TNS3: variants seen among roughly 807,000 people sequenced by gnomAD.
The protein encoded by TNS3 is tensin 3, also known as tensin-3.
TNS3 carries 45 observed loss-of-function variants against 140.9 expected under a neutral mutation model. That is an observed-to-expected ratio of 0.32 (90% CI 0.25 to 0.41). TNS3 has a LOEUF of 0.41. TNS3 is among the 10% of genes least tolerant of loss of function. The pLI is 1.00. For synonymous variants in TNS3, 815 were observed against 788.4 expected (o/e 1.03, Z -0.56); for missense variants, 1,716 against 1,906.7 (o/e 0.90, Z 1.86).
chr7:47,283,297 CG>C (rs1246661382), intron 28 of TNS3, among the ~76,000 whole-genome samples: 2 of 152,174 alleles, frequency 1.3e-5, no homozygotes, highest in African/African-American at 4.8e-5. Context: ...CAAGGTCATA[CG>C]CTCACCTGAA....
intron 4 of TNS3, among the ~76,000 whole-genome samples, chr7:47,448,725 C>T (rs1795872505): frequency 6.6e-6 from 1 of 152,174 alleles, no homozygotes; most frequent in Non-Finnish European, 1.5e-5. Flanking sequence ...GGCAATCCAC[C>T]CACCTCGGCT....
chr7:47,439,894 G>T (rs1810136), intron 5 of TNS3, among the ~76,000 whole-genome samples: 39,984 of 152,012 alleles, frequency 0.26, 6,306 homozygotes, highest in Non-Finnish European at 0.34. Context: ...ACGGGGTACC[G>T]CAAGCTGCGG....
In TNS3 at chr7:47,576,114, C is replaced by A. The variant is rs113037632; in HGVS notation, c.-265+5937G>T. Among the ~76,000 whole-genome samples the A allele has an allele frequency of 6.3e-3, 962 of 152,176 alleles. 6 individuals are homozygous for A. Among genetic ancestry groups the A allele is most frequent in the Non-Finnish European group, 0.011 (771 of 68,026 alleles). ...TTTGGAGAAAAACTCATCTCTATCA[C>A]GCTGGCCTCCCCTGTGTCAACCACT... On this transcript the variant is annotated intron_variant, in intron 1 of 30. Coordinates refer to ENST00000311160, the MANE Select transcript of TNS3 (RefSeq NM_022748.12).
intron 16 of TNS3, among the ~76,000 whole-genome samples, chr7:47,387,554 A>C (rs578188480): frequency 2.6e-5 from 4 of 152,298 alleles, no homozygotes; most frequent in Non-Finnish European, 4.4e-5. Flanking sequence ...AGGACAAAGG[A>C]CCCAAGTCAA....
intron 1 of TNS3, chr7:47,579,026 G>A (rs2152030540): frequency 6.6e-6 from 1 of 152,536 alleles, no homozygotes; most frequent in South Asian, 2.1e-4. Context: ...TGATCCCTGT[G>A]AAGATGAAGC....
chr7:47,278,366 C>T lies in TNS3; in HGVS notation c.4194-146G>A. Reference sequence around the variant, plus strand: ...CACGTGCCCAGCACCCTGCTGGCCACCTGTTCATGCACTTTACCTCCAGCC... The same window carrying T: ...CACGTGCCCAGCACCCTGCTGGCCATCTGTTCATGCACTTTACCTCCAGCC... On this transcript the variant is annotated intron_variant, in intron 30 of 30. Coordinates refer to ENST00000311160, the MANE Select transcript of TNS3 (RefSeq NM_022748.12). 5.9e-6 allele frequency: 5 copies of T among 849,424 alleles called. No homozygotes were observed. In the South Asian group the frequency reaches 9.0e-5, roughly 15 times the overall value. The allele number at this position is 849,424 out of a possible 1,614,324, so 52.6% of individuals were successfully genotyped here.
chr7:47,571,577 C>T (rs1482642239), intron 1 of TNS3, among the ~76,000 whole-genome samples: 1 of 152,222 alleles, frequency 6.6e-6, no homozygotes, highest in African/African-American at 2.4e-5. Flanking sequence ...GAGGCAGTAC[C>T]TCCAGAGGGT....
Position 47,433,883 on chromosome 7 carries a change from ATCTCTCTCTCTC to A in TNS3, c.324+1387_324+1398del, listed in dbSNP as rs55743320. Among the ~76,000 whole-genome samples, 1,126 of 149,534 alleles carry A rather than the reference ATCTCTCTCTCTC, an allele frequency of 7.5e-3. 10 individuals carry two copies. Among genetic ancestry groups the A allele is most frequent in the African/African-American group, 0.024 (961 of 40,612 alleles). ...TATTTATTTAAAAGTCCGTCTGTCT[ATCTCTCTCTCTC>A]TCTCTCTCTCTCTCTCTCTCTCTCT... On this transcript the variant is annotated intron_variant, in intron 8 of 30. Coordinates refer to ENST00000311160, the MANE Select transcript of TNS3 (RefSeq NM_022748.12).
intron 4 of TNS3, among the ~76,000 whole-genome samples, chr7:47,457,024 T>A (rs1157716274): frequency 1.3e-5 from 2 of 150,712 alleles, no homozygotes; most frequent in African/African-American, 4.9e-5. Context: ...AAGAAAATGA[T>A]AATCTCTCTT....
chr7:47,467,678 G>A (rs895578242), intron 4 of TNS3, among the ~76,000 whole-genome samples: 3 of 152,266 alleles, frequency 2.0e-5, no homozygotes, highest in Non-Finnish European at 2.9e-5. Flanking sequence ...TGAGGAAACC[G>A]CCATGGTACC....
intron 27 of TNS3, among the ~76,000 whole-genome samples, chr7:47,290,289 G>T (rs1785626772): frequency 6.6e-6 from 1 of 152,138 alleles, no homozygotes; most frequent in South Asian, 2.1e-4. Flanking sequence ...AAATCTAGCT[G>T]GCCTTGGGTT....
At chr7:47,433,360 T>C (rs1366130784) in intron 8 of TNS3, among the ~76,000 whole-genome samples, 1 of 152,132 alleles carries the variant, frequency 6.6e-6, no homozygotes, top group Non-Finnish European at 1.5e-5. Context: ...TCAAAAATGG[T>C]TTACATGGCA....
In TNS3 at chr7:47,302,945, C is replaced by T; in HGVS notation, c.3457+5G>A. On this transcript the variant is annotated splice_donor_5th_base_variant and intron_variant, in intron 22 of 30. Transcript: ENST00000311160. ...GCCCTTCCAACCAGCTGGAAACACACCTACCTGGCAGAGGTGAGGCCGCTT... is the reference window on the plus strand; with the variant it reads ...GCCCTTCCAACCAGCTGGAAACACATCTACCTGGCAGAGGTGAGGCCGCTT... 1 of 1,592,766 alleles carries T rather than the reference C, an allele frequency of 6.3e-7. No individual in the cohort carries two copies. The highest frequency in any genetic ancestry group is 8.6e-7 in the Non-Finnish European group (1 of 1,167,294).
At chr7:47,284,700 C>T (rs572892175) in intron 27 of TNS3, among the ~76,000 whole-genome samples, 1 of 152,358 alleles carries the variant, frequency 6.6e-6, no homozygotes, top group East Asian at 1.9e-4. Flanking sequence ...GAACTGCCCT[C>T]ACTCACTTGC....
rs772275471 is a variant in TNS3 at position 47,302,267 on chromosome 7, G to T, written c.3463C>A (p.Pro1155Thr). 1.9e-6 allele frequency: 3 copies of T among 1,613,722 alleles called. No individual in the cohort carries two copies. Among genetic ancestry groups the T allele is most frequent in the African/African-American group, 1.3e-5 (1 of 74,916 alleles). The change falls in exon 23 of 31, where the codon CCA (proline) becomes ACA (threonine). Residue 1155 changes from proline to threonine, a missense_variant. This residue lies in a region of TNS3 where 1,163 missense variants were observed against 1,182.1 expected (regional missense o/e 0.98). Coordinates refer to ENST00000311160, the MANE Select transcript of TNS3 (RefSeq NM_022748.12). ...SEAASPLPDS[P>T]GDKLVIVKFV... Reference sequence around the variant, plus strand: ...TTCACGATCACAAGTTTATCACCTGGACTATCTGTAAAGCAAAATTTAAAA... The same window carrying T: ...TTCACGATCACAAGTTTATCACCTGTACTATCTGTAAAGCAAAATTTAAAA...
rs2150516043 is a variant in TNS3 at position 47,277,609 on chromosome 7, G to A, written c.*467C>T. ...TTAGCATCTCCATCTTGGGAAGACC[G>A]AGGTGAGGGAAACCCCCGGCCTCGG... On this transcript the variant is annotated 3_prime_UTR_variant, in exon 31 of 31. Transcript: ENST00000311160. 1.3e-5 allele frequency: 3 copies of A among 230,522 alleles called. 1 individual carries two copies. The highest frequency in any genetic ancestry group is 1.1e-4 in the Admixed American group (2 of 18,944). 14.3% of individuals were successfully genotyped at this position (230,522 alleles called of 1,614,324 possible).
rs369625553 is a variant in TNS3, at chr7:47,346,388, C to T, written c.2282-32G>A. The T allele has an allele frequency of 2.4e-5, 38 of 1,611,182 alleles. No individual in the cohort carries two copies. In the African/African-American group the frequency reaches 2.7e-4, roughly 11 times the overall value. ...AAAGGGAGACAAGCAGGCTGCAGGGCGCTTCCTCAAGGCGGAGTGAGGCGC... is the reference window on the plus strand; with the variant it reads ...AAAGGGAGACAAGCAGGCTGCAGGGTGCTTCCTCAAGGCGGAGTGAGGCGC... On this transcript the variant is annotated intron_variant, in intron 17 of 30. Transcript: ENST00000311160.
chr7:47,389,057 G>A, intron 16 of TNS3, among the ~76,000 whole-genome samples: 1 of 69,770 alleles, frequency 1.4e-5, no homozygotes, highest in Non-Finnish European at 2.6e-5. Context: ...AGAAGAAGAA[G>A]AAGAAGAAGA....
At chr7:47,565,121 A>G (rs574933480) in intron 1 of TNS3, among the ~76,000 whole-genome samples, 2 of 150,994 alleles carry the variant, frequency 1.3e-5, no homozygotes, top group South Asian at 4.2e-4. Flanking sequence ...TCTGTCACCC[A>G]AGCTGGAGTG....
Sources: gnomAD v4.1 joint callset for allele counts (sites outside exome capture counted in the v4.1 genomes callset) on GRCh38, gnomAD v4.1.1 for gene constraint, gnomAD v4.1.1 regional missense constraint, MANE v1.5 for transcripts, NCBI Gene and HGNC (gene_info 2026-07-23, HGNC 2026-07-21) for gene names.